Variants in CNTN5 observed in about 807,000 individuals in gnomAD.
CNTN5 encodes contactin 5, also known as contactin-5.
Under a neutral mutation model 129.1 loss-of-function variants are expected in CNTN5, and 77 were observed. That is an observed-to-expected ratio of 0.60 (90% CI 0.50 to 0.72). The LOEUF is 0.72. Ranked by LOEUF, CNTN5 falls within the 30% of genes least tolerant of loss-of-function variation. CNTN5 has a pLI of 0.00. For missense variants in CNTN5, 1,478 were observed against 1,328.8 expected, an observed-to-expected ratio of 1.11 and a Z score of -1.75; for synonymous variants, 509 against 465.6, an observed-to-expected ratio of 1.09 and a Z score of -1.20.
In CNTN5 at chr11:99,492,229, G is replaced by A. The variant is rs535922391; in HGVS notation, c.-70-63916G>A. ...ATGTGACGGGTCATGTTCATTCTTC[G>A]TTAAAAGTCTCCTCTGTAAGTTGAT... On this transcript the variant is annotated intron_variant, in intron 2 of 24. Coordinates refer to ENST00000524871, the MANE Select transcript of CNTN5 (RefSeq NM_014361.4). 1.2e-3 allele frequency among the ~76,000 whole-genome samples: 186 copies of A among 152,234 alleles called. 2 individuals carry two copies. The highest frequency in any genetic ancestry group is 4.0e-3 in the African/African-American group (165 of 41,526).
At chr11:100,143,362 G>A (rs1946755431) in intron 13 of CNTN5, among the ~76,000 whole-genome samples, 2 of 152,216 alleles carry the variant, frequency 1.3e-5, no homozygotes, top group South Asian at 4.1e-4. Flanking sequence ...AACTGTAAAT[G>A]CCAGTCCCTG....
At chr11:99,032,839 G>C (rs1046413612) in intron 1 of CNTN5, among the ~76,000 whole-genome samples, 1 of 146,600 alleles carries the variant, frequency 6.8e-6, no homozygotes, top group Non-Finnish European at 1.5e-5. Context: ...TGAAGTCCTT[G>C]TCCATGCCTA....
At chr11:100,093,835 A>G (rs576666161) in intron 13 of CNTN5, among the ~76,000 whole-genome samples, 2 of 152,198 alleles carry the variant, frequency 1.3e-5, no homozygotes, top group African/African-American at 2.4e-5. Flanking sequence ...GTGGATCCCC[A>G]TGATCTAGAA....
At chr11:99,093,649 C>G (rs183879722) in intron 1 of CNTN5, among the ~76,000 whole-genome samples, 6 of 152,050 alleles carry the variant, frequency 3.9e-5, no homozygotes, top group African/African-American at 1.4e-4. Flanking sequence ...AAGGCAATGT[C>G]AAATGAATGC....
chr11:100,014,175 CT>C (rs777611908), intron 9 of CNTN5, among the ~76,000 whole-genome samples: 23 of 151,842 alleles, frequency 1.5e-4, no homozygotes, highest in Non-Finnish European at 2.9e-4. Flanking sequence ...ATTTCAATAA[CT>C]TTGAAAATTT....
At chr11:99,365,422 A>G (rs906276250) in intron 2 of CNTN5, among the ~76,000 whole-genome samples, 2 of 152,136 alleles carry the variant, frequency 1.3e-5, no homozygotes, top group Non-Finnish European at 2.9e-5. Flanking sequence ...TCCTTATTCA[A>G]ATTTTGTGGA....
intron 17 of CNTN5, among the ~76,000 whole-genome samples, chr11:100,259,955 A>T (rs1434526796): frequency 1.3e-5 from 2 of 151,956 alleles, no homozygotes; most frequent in African/African-American, 4.8e-5. Flanking sequence ...CACAATAGAA[A>T]TGAAGGAGAT....
At chr11:100,310,660 G>A (rs1207043767) in intron 21 of CNTN5, among the ~76,000 whole-genome samples, 6 of 151,440 alleles carry the variant, frequency 4.0e-5, no homozygotes, top group African/African-American at 1.5e-4. Flanking sequence ...AATTTCAGTT[G>A]ATGATACAGA....
intron 1 of CNTN5, among the ~76,000 whole-genome samples, chr11:99,148,586 T>C (rs530459212): frequency 6.6e-6 from 1 of 152,310 alleles, no homozygotes; most frequent in South Asian, 2.1e-4. Context: ...CAGCTAAGCA[T>C]TGTCTGAAAC....
chr11:99,644,252 G>T (rs112468401), intron 3 of CNTN5, among the ~76,000 whole-genome samples: 3 of 152,142 alleles, frequency 2.0e-5, no homozygotes, highest in Non-Finnish European at 4.4e-5. Flanking sequence ...TCCTTTGCTC[G>T]TTTTGCTTTG....
At chr11:100,059,848 C>G (rs2137797762) in intron 9 of CNTN5, among the ~76,000 whole-genome samples, 1 of 152,170 alleles carries the variant, frequency 6.6e-6, no homozygotes, top group East Asian at 1.9e-4. Flanking sequence ...ATGACTGCTA[C>G]AGAAAATAGA....
intron 3 of CNTN5, among the ~76,000 whole-genome samples, chr11:99,682,356 G>T (rs1953593855): frequency 6.6e-6 from 1 of 151,826 alleles, no homozygotes; most frequent in Non-Finnish European, 1.5e-5. Context: ...TACGTCATAG[G>T]TGAGTCAAAG....
At chr11:99,524,007 C>G (rs1381301405) in intron 2 of CNTN5, among the ~76,000 whole-genome samples, 1 of 152,016 alleles carries the variant, frequency 6.6e-6, no homozygotes, top group East Asian at 1.9e-4. Flanking sequence ...GAAGGACTTT[C>G]TTTTTTTTCT....
At chr11:99,371,899 G>A (rs561479238) in intron 2 of CNTN5, among the ~76,000 whole-genome samples, 1 of 152,232 alleles carries the variant, frequency 6.6e-6, no homozygotes, top group African/African-American at 2.4e-5. Flanking sequence ...GCCCATTTTC[G>A]ATGGTGTGTG....
At chr11:99,733,217 G>T (rs1943591307) in intron 3 of CNTN5, among the ~76,000 whole-genome samples, 1 of 151,868 alleles carries the variant, frequency 6.6e-6, no homozygotes, top group East Asian at 1.9e-4. Flanking sequence ...CATCTACTTG[G>T]GAGGCTGAGG....
chr11:99,582,824 C>T (rs1301467982), intron 3 of CNTN5, among the ~76,000 whole-genome samples: 3 of 152,216 alleles, frequency 2.0e-5, no homozygotes, highest in Admixed American at 6.5e-5. Context: ...TCTCTCAACT[C>T]GTCAAAGTCA....
At chr11:99,512,012 C>G (rs991436640) in intron 2 of CNTN5, among the ~76,000 whole-genome samples, 6 of 152,010 alleles carry the variant, frequency 3.9e-5, no homozygotes, top group Non-Finnish European at 7.4e-5. Context: ...ATTGAAGATA[C>G]AAAAAGATTT....
chr11:99,026,357 T>C (rs1235165380), intron 1 of CNTN5, among the ~76,000 whole-genome samples: 1 of 151,650 alleles, frequency 6.6e-6, no homozygotes, highest in African/African-American at 2.4e-5. Flanking sequence ...GCAAAAATTA[T>C]TAAAACAACT....
chr11:99,640,305 C>T (rs1440987301), intron 3 of CNTN5, among the ~76,000 whole-genome samples: 2 of 152,136 alleles, frequency 1.3e-5, no homozygotes, highest in African/African-American at 4.8e-5. Context: ...AATTCATATA[C>T]AAAACTGGGA....
Sources: allele counts gnomAD v4.1 joint callset (sites outside exome capture counted in the v4.1 genomes callset), GRCh38; gene constraint gnomAD v4.1.1; transcripts MANE v1.5; gene names NCBI Gene and HGNC (gene_info 2026-07-23, HGNC 2026-07-21).